The following CKM variants were observed in gnomAD, a reference collection of about 807,000 sequenced individuals.
CKM encodes creatine kinase, M-type, also known as creatine kinase M-type.
In CKM, 28 loss-of-function variants were observed where a neutral mutation model predicts 35.4. The observed-to-expected ratio is 0.79, with a 90% CI of 0.59 to 1.08. The LOEUF is 1.08. Among genes scored for constraint, CKM ranks in the 50% least tolerant of loss-of-function variants. CKM has a pLI of 0.00. For missense variants in CKM, 484 were observed against 509.8 expected (o/e 0.95, Z 0.49); for synonymous variants, 215 against 204.4 (o/e 1.05, Z -0.44).
chr19:45,315,437 C>A, intron 4 of CKM, 28 bp downstream of exon 4: 2 of 1,596,726 alleles, frequency 1.3e-6, no homozygotes, highest in Non-Finnish European at 1.7e-6. Context: ...TGGGTGACCC[C>A]AGCAGTGGAC....
intron 5 of CKM, among the ~76,000 whole-genome samples, chr19:45,309,183 G>A (rs1452032553): frequency 4.4e-4 from 65 of 147,730 alleles, no homozygotes; most frequent in African/African-American, 1.6e-3. Context: ...AGTCGAGATC[G>A]CGCCACTGCA....
Position 45,308,495 on chromosome 19 carries a change from C to T in CKM, c.691G>A (p.Glu231Lys). The part of the protein sequence containing the change: ...DNKSFLVWVN[E>K]EDHLRVISME... ...GAGATGACCCGGAGGTGATCCTCCT[C>T]GTTCACCCACACCAGGAAGCTCTTG... Residue 231 changes from glutamate to lysine, a missense_variant, in exon 6 of 8, where the codon GAG (glutamate) becomes AAG (lysine). Physicochemically the swap from Glu to Lys is moderately conservative, Grantham distance 56. Transcript: ENST00000221476. The T allele has an allele frequency of 1.2e-6, 2 of 1,614,082 alleles. No homozygotes were observed. The highest frequency in any genetic ancestry group is 8.5e-7 in the Non-Finnish European group (1 of 1,179,992).
rs1490438731 is a variant in CKM, at chr19:45,310,779, T to A, written c.653+970A>T. 5.1e-3 allele frequency among the ~76,000 whole-genome samples: 668 copies of A among 131,514 alleles called. 8 individuals carry two copies. Among genetic ancestry groups the A allele is most frequent in the African/African-American group, 0.017 (596 of 34,498 alleles). 86.3% of individuals were successfully genotyped at this position (131,514 alleles called of 152,430 possible). ...CCTGGCTTTTTTTTTTTTTTTTTTT[T>A]TTTTTTTTTTTTGAGACGGAGTCTC... is the stretch of plus-strand genomic sequence containing the variant. On this transcript the variant is annotated intron_variant, in intron 5 of 7. Transcript: ENST00000221476.
chr19:45,320,338 C>T (rs1403768497), intron 1 of CKM, among the ~76,000 whole-genome samples: 1 of 152,058 alleles, frequency 6.6e-6, no homozygotes, highest in Admixed American at 6.6e-5. Context: ...CTCAAGTGAT[C>T]CACCCGCCTC....
chr19:45,314,934 A>G (rs1485809508), intron 4 of CKM, among the ~76,000 whole-genome samples: 2 of 143,324 alleles, frequency 1.4e-5, no homozygotes, highest in African/African-American at 5.3e-5. Flanking sequence ...CTGGTCTTGA[A>G]CTCCTGGGCT....
intron 6 of CKM, among the ~76,000 whole-genome samples, 153 bp downstream of exon 6, chr19:45,308,255 CG>C (rs1971073736): frequency 1.0e-4 from 1 of 10,034 alleles, no homozygotes; most frequent in Non-Finnish European, 2.0e-4. Flanking sequence ...TTTTGGGGGG[CG>C]GGGTTTGGCA....
At chr19:45,316,251 A>C (rs1971156868) in intron 3 of CKM, among the ~76,000 whole-genome samples, 1 of 150,574 alleles carries the variant, frequency 6.6e-6, no homozygotes, top group Admixed American at 6.6e-5. Flanking sequence ...AATCACTTGA[A>C]CCTGGGGATC....
intron 5 of CKM, 104 bp from the exon 6 acceptor site, chr19:45,308,636 T>C: frequency 6.7e-7 from 1 of 1,496,904 alleles, no homozygotes; most frequent in Non-Finnish European, 9.3e-7. Context: ...GAAGAGGGCC[T>C]GAGGGGTGGG....
chr19:45,307,028 C>T (rs1971059563), intron 7 of CKM, 100 bp from the exon 8 acceptor site: 3 of 1,197,496 alleles, frequency 2.5e-6, no homozygotes, highest in Admixed American at 3.5e-5. Flanking sequence ...GTAGTGAGTG[C>T]CTACTGTGTA....
chr19:45,308,151 G>A (rs534682098), intron 6 of CKM, among the ~76,000 whole-genome samples: 1 of 151,852 alleles, frequency 6.6e-6, no homozygotes, highest in Non-Finnish European at 1.5e-5. Context: ...GTGAGCCACC[G>A]CTCCCGGCCT....
intron 5 of CKM, among the ~76,000 whole-genome samples, chr19:45,311,243 T>C (rs1891361608): frequency 6.7e-6 from 1 of 150,020 alleles, no homozygotes; most frequent in South Asian, 2.1e-4. Context: ...CTTTTTTGTT[T>C]GTTTTTTTTT....
At chr19:45,319,854 G>A (rs1258830183) in intron 1 of CKM, 123 bp from the exon 2 acceptor site, 10 of 737,960 alleles carry the variant, frequency 1.4e-5, no homozygotes, top group South Asian at 7.0e-5. Flanking sequence ...GCAGTGGCAC[G>A]ATCTCGGCTC....
chr19:45,313,177 A>G (rs1233111191), intron 4 of CKM, among the ~76,000 whole-genome samples: 1 of 152,068 alleles, frequency 6.6e-6, no homozygotes, highest in Admixed American at 6.6e-5. Context: ...CAGCAGGTCT[A>G]TTGGAGCCAT....
Position 45,315,543 on chromosome 19 carries a change from G to A in CKM, c.403C>T (p.Arg135Cys), listed in dbSNP as rs754193712. ...YVLSSRVRTG[R>C]SIKGYTLPPH... Reference sequence around the variant, plus strand: ...GGCAACGTGTAGCCCTTGATGCTGCGGCCAGTGCGGACGCGGCTGCTGAGC... The same window carrying A: ...GGCAACGTGTAGCCCTTGATGCTGCAGCCAGTGCGGACGCGGCTGCTGAGC... Residue 135 changes from arginine (R) to cysteine (C), a missense_variant, in exon 4 of 8, where the codon CGC (arginine) becomes TGC (cysteine). Coordinates refer to ENST00000221476, the MANE Select transcript of CKM (RefSeq NM_001824.5). 7 of 1,602,810 alleles carry A rather than the reference G, an allele frequency of 4.4e-6. No individual in the cohort carries two copies. Among genetic ancestry groups the A allele is most frequent in the East Asian group, 2.2e-5 (1 of 44,888 alleles).
chr19:45,312,852 G>T (rs749893857), intron 4 of CKM, among the ~76,000 whole-genome samples: 8 of 151,522 alleles, frequency 5.3e-5, no homozygotes, highest in Non-Finnish European at 1.0e-4. Context: ...TACTCAAGAG[G>T]CTGAGGCACG....
chr19:45,315,325 C>T, intron 4 of CKM, 140 bp downstream of exon 4: 1 of 957,876 alleles, frequency 1.0e-6, no homozygotes, highest in Non-Finnish European at 1.5e-6. Context: ...CAGCCCGCGC[C>T]ATTCCCCAAG....
intron 2 of CKM, 85 bp from the exon 3 acceptor site, chr19:45,318,064 A>T: frequency 1.7e-6 from 2 of 1,204,042 alleles, no homozygotes; most frequent in Non-Finnish European, 2.4e-6. Context: ...CTGTGTGGAC[A>T]TGTGTGTCGG....
At chr19:45,311,186 G>T (rs1221784981) in intron 5 of CKM, among the ~76,000 whole-genome samples, 1 of 151,216 alleles carries the variant, frequency 6.6e-6, no homozygotes, top group African/African-American at 2.4e-5. Context: ...CCAAAGTGCT[G>T]GGATTACAGG....
intron 2 of CKM, among the ~76,000 whole-genome samples, chr19:45,318,342 G>A (rs531821215): frequency 2.0e-5 from 3 of 152,048 alleles, no homozygotes; most frequent in East Asian, 3.9e-4. Flanking sequence ...AGGGAGTGGA[G>A]GTTGCAGTGA....
Sources: gnomAD v4.1 joint callset for allele counts (sites outside exome capture counted in the v4.1 genomes callset) on GRCh38, gnomAD v4.1.1 for gene constraint, MANE v1.5 for transcripts, NCBI Gene and HGNC (gene_info 2026-07-23, HGNC 2026-07-21) for gene names.